Variants in WDHD1 observed in about 807,000 individuals in gnomAD.
The protein encoded by WDHD1 is WD repeat and HMG-box DNA binding protein 1.
In WDHD1, 111 loss-of-function variants were observed where a neutral mutation model predicts 135.4. The observed-to-expected ratio is 0.82, with a 90% CI of 0.70 to 0.96. The LOEUF (loss-of-function observed/expected upper bound fraction) is 0.96, where lower values mean the gene tolerates loss of function less well. Among genes scored for constraint, WDHD1 ranks in the 40% least tolerant of loss-of-function variants. The probability of loss-of-function intolerance (pLI) is 0.00; values close to 1 mark genes in which losing one functional copy is unlikely to be tolerated. For synonymous variants in WDHD1, 434 were observed against 439.0 expected (o/e 0.99, Z 0.14); for missense variants, 1,351 against 1,336.3 (o/e 1.01, Z -0.17).
chr14:55,001,546 A>T (rs998332603), intron 8 of WDHD1, among the ~76,000 whole-genome samples: 2 of 152,212 alleles, frequency 1.3e-5, no homozygotes, highest in African/African-American at 4.8e-5. Context: ...TACAGGCATG[A>T]GCCACTGTGC....
rs2040808886 is a variant in WDHD1, at chr14:54,939,499, C to G, written c.*1991G>C. ...AATTTTCTATAGTATACAATAAGCTCAAGTAGGCAATATTATTGATATGAT... is the reference window on the plus strand; with the variant it reads ...AATTTTCTATAGTATACAATAAGCTGAAGTAGGCAATATTATTGATATGAT... On this transcript the variant is annotated 3_prime_UTR_variant, in exon 26 of 26. Transcript: ENST00000360586. 6.6e-6 allele frequency: 1 copy of G among 150,518 alleles called. No individual in the cohort carries two copies. Among genetic ancestry groups the G allele is most frequent in the African/African-American group, 2.5e-5 (1 of 40,792 alleles). 9.3% of individuals were successfully genotyped at this position (150,518 alleles called of 1,614,324 possible).
chr14:54,970,369 T>C (rs573149204), intron 16 of WDHD1, among the ~76,000 whole-genome samples: 1 of 152,196 alleles, frequency 6.6e-6, no homozygotes, highest in South Asian at 2.1e-4. Flanking sequence ...ACCAATAATG[T>C]TCGAGCTGAG....
chr14:54,959,274 T>C (rs2041209381), intron 21 of WDHD1, among the ~76,000 whole-genome samples: 1 of 150,196 alleles, frequency 6.7e-6, no homozygotes, highest in Non-Finnish European at 1.5e-5. Context: ...GACACATGCC[T>C]GTGGTCCTAG....
chr14:54,969,985 G>A (rs116865153), intron 16 of WDHD1, among the ~76,000 whole-genome samples: 39 of 152,094 alleles, frequency 2.6e-4, no homozygotes, highest in Admixed American at 2.6e-3. Flanking sequence ...AAAAGCTTTC[G>A]ATAAAATTCA....
intron 23 of WDHD1, among the ~76,000 whole-genome samples, chr14:54,956,252 C>T (rs2041157511): frequency 6.6e-6 from 1 of 152,030 alleles, no homozygotes; most frequent in East Asian, 1.9e-4. Context: ...TCAGAACTAT[C>T]TGGGTGATTT....
chr14:55,020,886 T>A (rs1033875400), intron 2 of WDHD1, among the ~76,000 whole-genome samples: 2 of 152,170 alleles, frequency 1.3e-5, no homozygotes, highest in African/African-American at 2.4e-5. Flanking sequence ...AAAAAATATA[T>A]CAGGAAAATC....
Position 55,010,463 on chromosome 14 carries a change from A to T in WDHD1, c.190-3T>A, listed in dbSNP as rs768757036. ...ACTGCAGTGACCAGTTTTCCACTCTAAAAGAAAAATTAAGGTAAGAAACAT... is the reference window on the plus strand; with the variant it reads ...ACTGCAGTGACCAGTTTTCCACTCTTAAAGAAAAATTAAGGTAAGAAACAT... On this transcript the variant is annotated splice_region_variant and splice_polypyrimidine_tract_variant and intron_variant, in intron 3 of 25. Coordinates refer to ENST00000360586, the MANE Select transcript of WDHD1 (RefSeq NM_007086.4). 3.8e-6 allele frequency: 6 copies of T among 1,561,000 alleles called. No homozygotes were observed. The South Asian group carries it at 7.3e-5, about 19-fold the overall frequency.
At chr14:55,023,765 G>A (rs916151187) in intron 2 of WDHD1, among the ~76,000 whole-genome samples, 4 of 152,160 alleles carry the variant, frequency 2.6e-5, no homozygotes, top group African/African-American at 7.2e-5. Context: ...TAAGCTTACC[G>A]AAATAGCAAC....
At chr14:54,950,297 A>G (rs558829674) in intron 24 of WDHD1, among the ~76,000 whole-genome samples, 5 of 152,204 alleles carry the variant, frequency 3.3e-5, no homozygotes, top group Admixed American at 6.5e-5. Flanking sequence ...GGATGGAGGA[A>G]GATCTACCAA....
At chr14:55,001,021 G>A (rs2041972492) in intron 8 of WDHD1, 29 bp from the exon 9 acceptor site, 2 of 1,374,304 alleles carry the variant, frequency 1.5e-6, no homozygotes, top group Non-Finnish European at 2.0e-6. Flanking sequence ...AATAAATAAT[G>A]ATTTTGTAAA....
At chr14:54,959,911 G>T (rs2041223615) in intron 21 of WDHD1, among the ~76,000 whole-genome samples, 1 of 152,190 alleles carries the variant, frequency 6.6e-6, no homozygotes, top group South Asian at 2.1e-4. Flanking sequence ...CTGGCAGAGT[G>T]CTAGCCCCTT....
intron 16 of WDHD1, among the ~76,000 whole-genome samples, chr14:54,980,740 G>C (rs1381076508): frequency 6.9e-6 from 1 of 145,054 alleles, no homozygotes; most frequent in Admixed American, 7.0e-5. Flanking sequence ...CAAAGTGGAG[G>C]TTGTAGTGAA....
In WDHD1 at chr14:54,940,688, T is replaced by C. The variant is rs2040824600; in HGVS notation, c.*802A>G. ...GTCTTGCTCAGTAAAGTACTGTTGA[T>C]GCTGATAATCAGAGTATCCCACCAA... On this transcript the variant is annotated 3_prime_UTR_variant, in exon 26 of 26. Transcript: ENST00000360586. 1 of 152,226 alleles carries C rather than the reference T, an allele frequency of 6.6e-6. No individual in the cohort carries two copies. Among genetic ancestry groups the C allele is most frequent in the Admixed American group, 6.5e-5 (1 of 15,270 alleles). 9.4% of individuals were successfully genotyped at this position (152,226 alleles called of 1,614,324 possible).
In WDHD1 at chr14:54,955,542, A is replaced by G. The variant is rs200253655; in HGVS notation, c.3050+19T>C. On this transcript the variant is annotated intron_variant, in intron 24 of 25. Coordinates refer to ENST00000360586, the MANE Select transcript of WDHD1 (RefSeq NM_007086.4). ...CTTTTTACTTGGTCACTGCATGCTA[A>G]ATTTCTCTATGTACTGACCTTTGGT... 939 of 1,501,112 alleles carry G rather than the reference A, an allele frequency of 6.3e-4. 2 individuals are homozygous for G. Among genetic ancestry groups the G allele is most frequent in the South Asian group, 9.4e-4 (67 of 71,180 alleles). 93.0% of individuals were successfully genotyped at this position (1,501,112 alleles called of 1,614,324 possible). A position where few individuals can be genotyped will look rare whatever the true frequency, so the allele number is the denominator to read the frequency against.
chr14:54,958,409 G>A (rs765596601), intron 21 of WDHD1, among the ~76,000 whole-genome samples: 1 of 152,052 alleles, frequency 6.6e-6, no homozygotes, highest in Non-Finnish European at 1.5e-5. Flanking sequence ...TTACAAGCAT[G>A]AGCCACCACG....
intron 7 of WDHD1, chr14:55,005,476 A>G: frequency 1.8e-6 from 1 of 566,168 alleles, no homozygotes; most frequent in Non-Finnish European, 3.4e-6. Flanking sequence ...TGACATTGAA[A>G]GAGTTTTCAA....
intron 11 of WDHD1, among the ~76,000 whole-genome samples, chr14:54,994,296 AGTT>A (rs1362329019): frequency 2.6e-5 from 4 of 152,182 alleles, no homozygotes; most frequent in African/African-American, 9.6e-5. Flanking sequence ...ATTTCATTTA[AGTT>A]GTTAAATTTA....
intron 15 of WDHD1, among the ~76,000 whole-genome samples, chr14:54,982,761 A>G (rs2041638522): frequency 6.6e-6 from 1 of 152,226 alleles, no homozygotes; most frequent in Non-Finnish European, 1.5e-5. Flanking sequence ...GAAATGGTTG[A>G]TATTTTAAAG....
In WDHD1 at chr14:54,967,410, A is replaced by G. The variant is rs759645684; in HGVS notation, c.2064-16T>C. The G allele has an allele frequency of 6.4e-7, 1 of 1,563,730 alleles. No homozygotes were observed. The highest frequency in any genetic ancestry group is 8.6e-7 in the Non-Finnish European group (1 of 1,156,752). ...AGGAATGCACCTGTTAGTAAAGAAAAGTTCCATCATAAAAATTTACTAACA... is the reference window on the plus strand; with the variant it reads ...AGGAATGCACCTGTTAGTAAAGAAAGGTTCCATCATAAAAATTTACTAACA... On this transcript the variant is annotated splice_polypyrimidine_tract_variant and intron_variant, in intron 16 of 25. Transcript: ENST00000360586.
Sources: gnomAD v4.1 joint callset for allele counts (sites outside exome capture counted in the v4.1 genomes callset) on GRCh38, gnomAD v4.1.1 for gene constraint, MANE v1.5 for transcripts, NCBI Gene and HGNC (gene_info 2026-07-23, HGNC 2026-07-21) for gene names.